Variants in PDE1C observed in about 807,000 individuals in gnomAD.
PDE1C encodes dual specificity calcium/calmodulin-dependent 3',5'-cyclic nucleotide phosphodiesterase 1C.
Under a neutral mutation model 93.1 loss-of-function variants are expected in PDE1C, and 62 were observed. That is an observed-to-expected ratio of 0.67 (90% CI 0.54 to 0.82). The LOEUF is 0.82. Among genes scored for constraint, PDE1C ranks in the 40% least tolerant of loss-of-function variants. PDE1C has a pLI of 0.00. For synonymous variants in PDE1C, 325 were observed against 310.1 expected, an observed-to-expected ratio of 1.05 and a Z score of -0.50; for missense variants, 742 against 884.6, an observed-to-expected ratio of 0.84 and a Z score of 2.04.
chr7:31,677,549 A>G, the PDE1C span, among the ~76,000 whole-genome samples: 3,732 of 152,092 alleles, frequency 0.025, 74 homozygotes, highest in South Asian at 0.063. Context: ...GAAAGATCAT[A>G]TTTTTTTTCT....
intron 3 of PDE1C, among the ~76,000 whole-genome samples, chr7:32,129,043 T>C (rs1289112160): frequency 2.7e-5 from 4 of 148,896 alleles, no homozygotes; most frequent in Non-Finnish European, 6.0e-5. Context: ...ATTTGTGCAG[T>C]CATTATAAGT....
intron 1 of PDE1C, among the ~76,000 whole-genome samples, chr7:32,272,687 T>A (rs62457494): frequency 6.6e-6 from 1 of 152,188 alleles, no homozygotes; most frequent in Admixed American, 6.5e-5. Context: ...ATGAAATGAC[T>A]TAACGATTGT....
chr7:32,424,079 A>G (rs1476318638), intron 1 of PDE1C, among the ~76,000 whole-genome samples: 1 of 152,204 alleles, frequency 6.6e-6, no homozygotes, highest in Non-Finnish European at 1.5e-5. Flanking sequence ...CTCATTGAAA[A>G]TGTGGTAAGG....
chr7:31,755,306 T>A (rs1794387899), intron 17 of PDE1C, among the ~76,000 whole-genome samples: 1 of 152,226 alleles, frequency 6.6e-6, no homozygotes, highest in African/African-American at 2.4e-5. Flanking sequence ...CTTATAGATA[T>A]GTGTATGTAC....
At chr7:31,984,694 A>G (rs1783136375) in intron 2 of PDE1C, among the ~76,000 whole-genome samples, 1 of 152,246 alleles carries the variant, frequency 6.6e-6, no homozygotes, top group Admixed American at 6.5e-5. Flanking sequence ...GAATTCTAGA[A>G]AATAATTCCT....
intron 3 of PDE1C, among the ~76,000 whole-genome samples, chr7:32,113,333 ATC>A (rs1207413512): frequency 6.9e-6 from 1 of 144,634 alleles, no homozygotes; most frequent in African/African-American, 2.6e-5. Context: ...ATATATATAT[ATC>A]TATCTCAATT....
At chr7:31,687,341 G>T in the PDE1C span, 1 of 152,330 alleles carries the variant, frequency 6.6e-6, no homozygotes, top group African/African-American at 2.4e-5. Flanking sequence ...AAGAACTTTT[G>T]TGGTGAGAAA....
At chr7:32,277,170 G>A (rs1430695769) in intron 1 of PDE1C, among the ~76,000 whole-genome samples, 1 of 152,156 alleles carries the variant, frequency 6.6e-6, no homozygotes, top group African/African-American at 2.4e-5. Context: ...AATCACCTGA[G>A]CTTGGGAGGT....
chr7:32,196,263 G>T (rs953016591), intron 2 of PDE1C, among the ~76,000 whole-genome samples: 1 of 152,162 alleles, frequency 6.6e-6, no homozygotes, highest in Non-Finnish European at 1.5e-5. Context: ...TGAGGATGGG[G>T]CCACAGCTTT....
At chr7:31,618,324 G>A in the PDE1C span, among the ~76,000 whole-genome samples, 1 of 149,206 alleles carries the variant, frequency 6.7e-6, no homozygotes, top group Non-Finnish European at 1.5e-5. Flanking sequence ...AAAATCCAAA[G>A]GGGGCAAATT....
the PDE1C span, among the ~76,000 whole-genome samples, chr7:31,695,809 G>A: frequency 6.8e-6 from 1 of 146,602 alleles, no homozygotes; most frequent in Non-Finnish European, 1.5e-5. Flanking sequence ...AATATTAGGG[G>A]CTTAATACAA....
At chr7:32,029,258 GTACA>G (rs781456190) in intron 2 of PDE1C, among the ~76,000 whole-genome samples, 1 of 151,940 alleles carries the variant, frequency 6.6e-6, no homozygotes, top group African/African-American at 2.4e-5. Flanking sequence ...AATTAGTACA[GTACA>G]GCCATTATGG....
intron 1 of PDE1C, among the ~76,000 whole-genome samples, chr7:32,211,970 G>A (rs757948288): frequency 7.0e-6 from 1 of 142,552 alleles, no homozygotes; most frequent in Non-Finnish European, 1.5e-5. Context: ...AGGCTGCAGT[G>A]AGCTGTGATC....
upstream of PDE1C, among the ~76,000 whole-genome samples, chr7:32,303,166 T>G (rs1812918409): frequency 6.6e-6 from 1 of 152,152 alleles, no homozygotes; most frequent in Non-Finnish European, 1.5e-5. Flanking sequence ...AATCAGCTCC[T>G]CCCAAATTCC....
intron 1 of PDE1C, among the ~76,000 whole-genome samples, chr7:32,060,515 T>C (rs1323637869): frequency 6.6e-6 from 1 of 152,154 alleles, no homozygotes; most frequent in East Asian, 1.9e-4. Context: ...ACAATTTAAA[T>C]ATGGCAAAAT....
chr7:31,918,019 C>T (rs915777657), intron 2 of PDE1C, among the ~76,000 whole-genome samples: 1 of 152,108 alleles, frequency 6.6e-6, no homozygotes, highest in Non-Finnish European at 1.5e-5. Flanking sequence ...AAGGCCATTC[C>T]AGTACTAAGC....
the PDE1C span, among the ~76,000 whole-genome samples, chr7:31,722,382 C>T: frequency 6.6e-6 from 1 of 152,194 alleles, no homozygotes; most frequent in Non-Finnish European, 1.5e-5. Context: ...TCAACAAATA[C>T]TTATTGAACA....
rs569391384 is a variant in PDE1C, at chr7:31,839,736, G to C, written c.981-1765C>G. On this transcript the variant is annotated intron_variant, in intron 9 of 17. Transcript: ENST00000396191. ...AATGGCTGGTTTATAAGACAGCTGAGTGTTTATAAGAAACTGCCAGCCGGG... is the reference window on the plus strand; with the variant it reads ...AATGGCTGGTTTATAAGACAGCTGACTGTTTATAAGAAACTGCCAGCCGGG... Among the ~76,000 whole-genome samples, 10 of 152,312 alleles carry C rather than the reference G, an allele frequency of 6.6e-5. 2 individuals are homozygous for C. In the South Asian group the frequency reaches 1.4e-3, roughly 22 times the overall value.
intron 15 of PDE1C, among the ~76,000 whole-genome samples, chr7:31,811,172 G>C (rs1271187481): frequency 6.6e-6 from 1 of 152,072 alleles, no homozygotes; most frequent in Non-Finnish European, 1.5e-5. Flanking sequence ...GTCTCACGAG[G>C]TCTGGTGGCT....
Sources: gnomAD v4.1 joint callset for allele counts (sites outside exome capture counted in the v4.1 genomes callset) on GRCh38, gnomAD v4.1.1 for gene constraint, MANE v1.5 for transcripts, NCBI Gene and HGNC (gene_info 2026-07-23, HGNC 2026-07-21) for gene names.